PDSS1: variants seen among roughly 807,000 people sequenced by gnomAD.
PDSS1 encodes the protein decaprenyl diphosphate synthase subunit 1, also known as all trans-polyprenyl-diphosphate synthase PDSS1.
Under a neutral mutation model 57.5 loss-of-function variants are expected in PDSS1, and 43 were observed. That is an observed-to-expected ratio of 0.75 (90% CI 0.59 to 0.96). The LOEUF is 0.96. Among genes scored for constraint, PDSS1 ranks in the 50% least tolerant of loss-of-function variants. The pLI is 0.00. For missense variants in PDSS1, 438 were observed against 527.8 expected, an observed-to-expected ratio of 0.83 and a Z score of 1.67; for synonymous variants, 175 against 191.3, an observed-to-expected ratio of 0.91 and a Z score of 0.70.
chr10:26,704,808 A>AT (rs577678115), intron 3 of PDSS1, 67 bp downstream of exon 3: 11 of 902,292 alleles, frequency 1.2e-5, no homozygotes, highest in African/African-American at 9.9e-5. Flanking sequence ...TGTTTAAAAA[A>AT]TTTTTTTTGT....
intron 5 of PDSS1, among the ~76,000 whole-genome samples, chr10:26,714,466 CAAAAAA>C (rs34696535): frequency 2.4e-4 from 30 of 123,020 alleles, no homozygotes; most frequent in Non-Finnish European, 1.9e-4. Flanking sequence ...GACTCTGTCT[CAAAAAA>C]AAAAAAAAAA....
intron 6 of PDSS1, among the ~76,000 whole-genome samples, chr10:26,720,752 A>G (rs180686013): frequency 7.2e-5 from 11 of 152,352 alleles, no homozygotes; most frequent in Admixed American, 3.3e-4. Context: ...AACTAATAAA[A>G]GAAAAAAGAA....
intron 5 of PDSS1, among the ~76,000 whole-genome samples, chr10:26,718,980 T>G (rs773769234): frequency 6.6e-6 from 1 of 152,190 alleles, no homozygotes; most frequent in Non-Finnish European, 1.5e-5. Flanking sequence ...TTATACTTCA[T>G]TTTTCATTGC....
At chr10:26,731,001 G>T (rs551763278) in intron 8 of PDSS1, among the ~76,000 whole-genome samples, 1 of 152,060 alleles carries the variant, frequency 6.6e-6, no homozygotes, top group Non-Finnish European at 1.5e-5. Context: ...GAGGTCAGGA[G>T]TTCGAGACCA....
Position 26,746,437 on chromosome 10 carries a change from T to C in PDSS1, c.1212T>C (p.Ile404=). 1 of 1,614,138 alleles carries C rather than the reference T, an allele frequency of 6.2e-7. No homozygotes were observed. The highest frequency in any genetic ancestry group is 8.5e-7 in the Non-Finnish European group (1 of 1,179,980). Residue 404 remains isoleucine (I), a synonymous_variant, in exon 12 of 12, where the codon ATT becomes ATC. Coordinates refer to ENST00000376215, the MANE Select transcript of PDSS1 (RefSeq NM_014317.5). ...LRPSPERDAL[I]QLSEIVLTRD... ...CATCCCCAGAAAGAGATGCCCTCAT[T>C]CAGCTTTCAGAAATTGTACTCACAA...
At chr10:26,716,701 A>T (rs145885658) in intron 5 of PDSS1, among the ~76,000 whole-genome samples, 3,123 of 152,242 alleles carry the variant, frequency 0.021, 107 homozygotes, top group African/African-American at 0.07. Context: ...AAAAAAAAAA[A>T]AGATAATTTT....
At position 26,717,888 on chromosome 10, in the gene PDSS1, C is replaced by T. The variant is rs1047956156; in HGVS notation, c.468-2330C>T. On this transcript the variant is annotated intron_variant, in intron 5 of 11. Transcript: ENST00000376215. ...GTAAAAGTTTATATCTTTTCCTGTG[C>T]ATTCAACTCAAAGAAGATAGGGCCT... is the stretch of plus-strand genomic sequence containing the variant. 4 of 152,066 alleles carry T rather than the reference C, an allele frequency of 2.6e-5. No individual in the cohort carries two copies. The East Asian group carries it at 5.8e-4, about 22-fold the overall frequency. 9.4% of individuals were successfully genotyped at this position (152,066 alleles called of 1,614,324 possible). A position where few individuals can be genotyped will look rare whatever the true frequency, so the allele number is the denominator to read the frequency against.
At chr10:26,736,230 A>G (rs1182013294) in intron 10 of PDSS1, among the ~76,000 whole-genome samples, 1 of 152,250 alleles carries the variant, frequency 6.6e-6, no homozygotes. Flanking sequence ...CAAAGCAGAC[A>G]TTCTCACAGC....
intron 5 of PDSS1, chr10:26,718,613 T>A (rs1835679941): frequency 6.6e-6 from 1 of 151,940 alleles, no homozygotes; most frequent in Non-Finnish European, 1.5e-5. Context: ...ATACAAACAT[T>A]AGCTGGATGT....
rs1361020231 is a variant in PDSS1, at chr10:26,711,730, G to A, written c.467+1962G>A. On this transcript the variant is annotated intron_variant, in intron 5 of 11. Transcript: ENST00000376215. ...GCATTACAGGATGTTTAGCAGCATC[G>A]CTGACTCTACCTACTAGATGCCCCC... 2.1e-5 allele frequency among the ~76,000 whole-genome samples: 2 copies of A among 95,316 alleles called. 1 individual carries two copies. The highest frequency in any genetic ancestry group is 2.7e-4 in the Admixed American group (2 of 7,526). The allele number at this position is 95,316 out of a possible 152,430, so 62.5% of individuals were successfully genotyped here. A position where few individuals can be genotyped will look rare whatever the true frequency, so the allele number is the denominator to read the frequency against.
At chr10:26,717,422 T>C (rs541549344) in intron 5 of PDSS1, among the ~76,000 whole-genome samples, 8 of 152,162 alleles carry the variant, frequency 5.3e-5, no homozygotes, top group Admixed American at 2.6e-4. Flanking sequence ...AGTGGAGACG[T>C]GGTTTCGTCA....
At chr10:26,704,802 T>A (rs1371977151) in intron 3 of PDSS1, 61 bp downstream of exon 3, 9 of 929,452 alleles carry the variant, frequency 9.7e-6, no homozygotes, top group African/African-American at 3.3e-5. Context: ...TATTGTTGTT[T>A]AAAAAATTTT....
chr10:26,722,324 A>G (rs866079814), intron 6 of PDSS1, among the ~76,000 whole-genome samples: 3 of 152,256 alleles, frequency 2.0e-5, no homozygotes, highest in African/African-American at 7.2e-5. Flanking sequence ...CACTGTTTAG[A>G]TACTGAAGAA....
At position 26,709,688 on chromosome 10, in the gene PDSS1, T is replaced by C; in HGVS notation, c.387T>C (p.Phe129=). ...TTAAGGAAATGTCTGAGTACTACTT[T>C]GATGGGAAAGGGAAAGCCTTTCGAC... ...SELKEMSEYY[F]DGKGKAFRPI... is the part of the protein sequence containing the mutation. The change falls in exon 5 of 12, where the codon TTT becomes TTC. Residue 129 remains phenylalanine, a synonymous_variant. Coordinates refer to ENST00000376215, the MANE Select transcript of PDSS1 (RefSeq NM_014317.5). 1 of 1,613,686 alleles carries C rather than the reference T, an allele frequency of 6.2e-7. No individual in the cohort carries two copies. The highest frequency in any genetic ancestry group is 1.1e-5 in the South Asian group (1 of 91,066).
At chr10:26,739,455 C>T (rs1836512069) in intron 10 of PDSS1, among the ~76,000 whole-genome samples, 1 of 152,180 alleles carries the variant, frequency 6.6e-6, no homozygotes, top group Non-Finnish European at 1.5e-5. Context: ...TAAAATTGCA[C>T]ACATGACATG....
intron 4 of PDSS1, among the ~76,000 whole-genome samples, chr10:26,708,727 G>A (rs748182391): frequency 2.0e-5 from 3 of 151,960 alleles, no homozygotes; most frequent in Admixed American, 6.6e-5. Context: ...CCTGCCCCTC[G>A]TAAACAGCTT....
At chr10:26,713,313 A>T (rs1397343775) in intron 5 of PDSS1, among the ~76,000 whole-genome samples, 3 of 152,148 alleles carry the variant, frequency 2.0e-5, no homozygotes. Flanking sequence ...CAAAACAAAA[A>T]ACATGGGGGA....
chr10:26,731,968 C>T (rs368709809), intron 8 of PDSS1, among the ~76,000 whole-genome samples: 4 of 152,180 alleles, frequency 2.6e-5, no homozygotes, highest in Non-Finnish European at 5.9e-5. Context: ...TTCCCAGTCT[C>T]GTTGAGACGT....
chr10:26,735,236 T>G lies in PDSS1; in HGVS notation c.832-4T>G, dbSNP rs770518092. On this transcript the variant is annotated splice_polypyrimidine_tract_variant and splice_region_variant and intron_variant, in intron 8 of 11. Transcript: ENST00000376215. ...CTTATCTCAGAATGCTCTTTCTGTT[T>G]CAGGTCTCTGTTCTAGGATGTCCCG... 8.1e-6 allele frequency: 13 copies of G among 1,609,374 alleles called. No homozygotes were observed. In the South Asian group the frequency reaches 1.4e-4, roughly 18 times the overall value.
Sources: gnomAD v4.1 joint callset for allele counts (sites outside exome capture counted in the v4.1 genomes callset) on GRCh38, gnomAD v4.1.1 for gene constraint, MANE v1.5 for transcripts, NCBI Gene and HGNC (gene_info 2026-07-23, HGNC 2026-07-21) for gene names.